Variants in CLCN3 observed in about 807,000 individuals in gnomAD.
CLCN3 encodes Cl-/H+ antiporter 3, also known as H(+)/Cl(-) exchange transporter 3.
Under a neutral mutation model 83.4 loss-of-function variants are expected in CLCN3, and 16 were observed. The observed-to-expected ratio is 0.19, with a 90% CI of 0.13 to 0.29. The LOEUF (loss-of-function observed/expected upper bound fraction) is 0.29, where lower values mean the gene tolerates loss of function less well. Among genes scored for constraint, CLCN3 ranks in the 10% least tolerant of loss-of-function variants. The pLI is 1.00. For synonymous variants in CLCN3, 322 were observed against 346.2 expected, an observed-to-expected ratio of 0.93 and a Z score of 0.78; for missense variants, 544 against 1,006.0, an observed-to-expected ratio of 0.54 and a Z score of 6.21.
chr4:169,693,303 C>T (rs1732441945), intron 7 of CLCN3, among the ~76,000 whole-genome samples: 1 of 152,164 alleles, frequency 6.6e-6, no homozygotes, highest in Non-Finnish European at 1.5e-5. Context: ...AGTTTCATCT[C>T]TGAATAATTG....
chr4:169,687,611 T>C, intron 3 of CLCN3, 47 bp from the exon 4 acceptor site: 1 of 1,260,532 alleles, frequency 7.9e-7, no homozygotes, highest in East Asian at 2.3e-5. Flanking sequence ...GAACTGTGGC[T>C]TCTATTCATA....
intron 1 of CLCN3, among the ~76,000 whole-genome samples, chr4:169,624,189 A>G (rs192072778): frequency 1.8e-4 from 27 of 152,222 alleles, no homozygotes; most frequent in African/African-American, 6.5e-4. Flanking sequence ...GCTGGAGTGT[A>G]GTGGTGCAAT....
In CLCN3 at chr4:169,637,597, A is replaced by ACC. The variant is rs60918199; in HGVS notation, c.160+1509_160+1510insCC. On this transcript the variant is annotated intron_variant, in intron 2 of 12. Transcript: ENST00000513761. Reference sequence around the variant, plus strand: ...AAACCAAACAAACACCACCACCACCAACAACAACAACAAAAACTTTTTCTT... The same window carrying ACC: ...AAACCAAACAAACACCACCACCACCACCACAACAACAACAAAAACTTTTTCTT... Among the ~76,000 whole-genome samples the ACC allele has an allele frequency of 8.6e-3, 1,311 of 151,764 alleles. 11 individuals carry two copies. Among genetic ancestry groups the ACC allele is most frequent in the African/African-American group, 0.027 (1,112 of 41,398 alleles).
At chr4:169,651,111 A>G (rs1730719371) in intron 2 of CLCN3, among the ~76,000 whole-genome samples, 1 of 152,186 alleles carries the variant, frequency 6.6e-6, no homozygotes, top group Non-Finnish European at 1.5e-5. Context: ...ATTTTATAAT[A>G]TACAGAAACT....
intron 1 of CLCN3, among the ~76,000 whole-genome samples, chr4:169,631,530 C>T (rs1428250597): frequency 1.3e-5 from 2 of 152,110 alleles, no homozygotes; most frequent in Non-Finnish European, 2.9e-5. Flanking sequence ...CCTCGTGATC[C>T]GCCCACCTAG....
chr4:169,706,655 C>G (rs1254206460), intron 10 of CLCN3, among the ~76,000 whole-genome samples: 1 of 152,148 alleles, frequency 6.6e-6, no homozygotes, highest in African/African-American at 2.4e-5. Flanking sequence ...ATAGTCTTCT[C>G]TGTTATAAAC....
intron 12 of CLCN3, among the ~76,000 whole-genome samples, chr4:169,716,898 G>C (rs2150278997): frequency 6.6e-6 from 1 of 152,300 alleles, no homozygotes; most frequent in East Asian, 1.9e-4. Flanking sequence ...GAAATGTCCA[G>C]TCATCCTGAA....
chr4:169,651,301 T>C (rs1730725550), intron 2 of CLCN3, among the ~76,000 whole-genome samples: 2 of 152,198 alleles, frequency 1.3e-5, no homozygotes, highest in Non-Finnish European at 2.9e-5. Context: ...GAATATTACC[T>C]ATGAACTGTC....
intron 4 of CLCN3, among the ~76,000 whole-genome samples, chr4:169,688,311 G>A (rs887980041): frequency 7.2e-5 from 11 of 152,182 alleles, no homozygotes; most frequent in East Asian, 1.9e-4. Context: ...GCTATACAGC[G>A]TGGCCACAAA....
intron 3 of CLCN3, among the ~76,000 whole-genome samples, chr4:169,683,067 A>G (rs1560856005): frequency 1.3e-5 from 2 of 152,238 alleles, no homozygotes; most frequent in Non-Finnish European, 2.9e-5. Flanking sequence ...TTAGGTAAAT[A>G]CATTTGTACT....
chr4:169,696,610 G>A (rs1732573587), intron 8 of CLCN3, among the ~76,000 whole-genome samples: 1 of 151,684 alleles, frequency 6.6e-6, no homozygotes, highest in South Asian at 2.1e-4. Context: ...TATTAACTGT[G>A]GTCATCTTAC....
At chr4:169,639,864 G>T (rs2150205327) in intron 2 of CLCN3, among the ~76,000 whole-genome samples, 1 of 152,244 alleles carries the variant, frequency 6.6e-6, no homozygotes, top group East Asian at 1.9e-4. Flanking sequence ...TTTTGAATAT[G>T]TGTTGAATGA....
At chr4:169,653,148 A>G (rs76306094) in intron 2 of CLCN3, among the ~76,000 whole-genome samples, 2,093 of 152,076 alleles carry the variant, frequency 0.014, 43 homozygotes, top group African/African-American at 0.047. Flanking sequence ...AAACGTCCCT[A>G]CCCTGATGTT....
At chr4:169,663,552 C>G (rs34755939) in intron 2 of CLCN3, 76,540 of 366,786 alleles carry the variant, frequency 0.21, 9,381 homozygotes, top group South Asian at 0.29. Context: ...GTTGTCCAGG[C>G]TGGTCTCCAA....
At chr4:169,658,327 T>C (rs1487633100) in intron 2 of CLCN3, among the ~76,000 whole-genome samples, 3 of 152,032 alleles carry the variant, frequency 2.0e-5, no homozygotes, top group Admixed American at 6.6e-5. Flanking sequence ...ATTGTCAGTA[T>C]TTATTTTACC....
rs567229560 is a variant in CLCN3, at chr4:169,723,466, C to T, written c.*3469C>T. On this transcript the variant is annotated 3_prime_UTR_variant, in exon 13 of 13. Transcript: ENST00000513761. Reference sequence around the variant, plus strand: ...CCACAGAAAACTGATTTCATTTCAGCTCACTTTCAAAAGTGATTTTTTTTT... The same window carrying T: ...CCACAGAAAACTGATTTCATTTCAGTTCACTTTCAAAAGTGATTTTTTTTT... 2.0e-4 allele frequency: 30 copies of T among 151,416 alleles called. No homozygotes were observed. Among genetic ancestry groups the T allele is most frequent in the Admixed American group, 1.8e-3 (27 of 15,258 alleles). The allele number at this position is 151,416 out of a possible 1,614,324, so 9.4% of individuals were successfully genotyped here. A position where few individuals can be genotyped will look rare whatever the true frequency, so the allele number is the denominator to read the frequency against.
intron 6 of CLCN3, among the ~76,000 whole-genome samples, chr4:169,691,825 A>G (rs1488190131): frequency 1.3e-5 from 2 of 152,186 alleles, no homozygotes; most frequent in East Asian, 3.8e-4. Context: ...TGTAATTATA[A>G]TCCTTATAAT....
At position 169,635,972 on chromosome 4, in the gene CLCN3, G is replaced by A; in HGVS notation, c.44G>A (p.Ser15Asn). Residue 15 changes from serine to asparagine, a missense_variant, in exon 2 of 13, where the codon AGC becomes AAC. Transcript: ENST00000513761. Reference sequence around the variant, plus strand: ...TTCCATAGAGGCTACTATAGAAACAGCTACAACAGTATAACAAGTGCAAGT... The same window carrying A: ...TTCCATAGAGGCTACTATAGAAACAACTACAACAGTATAACAAGTGCAAGT... ...QLFHRGYYRNSYNSITSASSD... is the reference protein window; with the variant it reads ...QLFHRGYYRNNYNSITSASSD... 2 of 1,613,044 alleles carry A rather than the reference G, an allele frequency of 1.2e-6. No individual in the cohort carries two copies. The highest frequency in any genetic ancestry group is 1.7e-6 in the Non-Finnish European group (2 of 1,179,456).
intron 2 of CLCN3, among the ~76,000 whole-genome samples, chr4:169,659,022 C>T (rs933688855): frequency 2.0e-5 from 3 of 152,124 alleles, no homozygotes; most frequent in African/African-American, 7.2e-5. Flanking sequence ...CCTTCTCTCA[C>T]CTCCAATTTT....
Sources: allele counts gnomAD v4.1 joint callset (sites outside exome capture counted in the v4.1 genomes callset), GRCh38; gene constraint gnomAD v4.1.1; transcripts MANE v1.5; gene names NCBI Gene and HGNC (gene_info 2026-07-23, HGNC 2026-07-21).